The following ALPK2 variants were observed in gnomAD, a reference collection of about 807,000 sequenced individuals.
ALPK2 encodes alpha kinase 2, also known as alpha-protein kinase 2.
Under a neutral mutation model 163.1 loss-of-function variants are expected in ALPK2, and 127 were observed. That is an observed-to-expected ratio of 0.78 (90% CI 0.67 to 0.90). The LOEUF (loss-of-function observed/expected upper bound fraction) is 0.90. ALPK2 is among the 40% of genes least tolerant of loss of function. The pLI is 0.00. For synonymous variants in ALPK2, 953 were observed against 959.1 expected (o/e 0.99, Z 0.12); for missense variants, 2,360 against 2,589.6 (o/e 0.91, Z 1.92).
At chr18:58,595,599 C>G (rs557789917) in intron 3 of ALPK2, among the ~76,000 whole-genome samples, 5 of 152,292 alleles carry the variant, frequency 3.3e-5, no homozygotes, top group African/African-American at 1.2e-4. Context: ...CCTGTGATCT[C>G]TCTGGGCCTT....
At chr18:58,505,120 T>C (rs751823635) in intron 10 of ALPK2, among the ~76,000 whole-genome samples, 12 of 151,880 alleles carry the variant, frequency 7.9e-5, no homozygotes, top group Non-Finnish European at 1.5e-4. Context: ...AGGAGGAGAT[T>C]TCTGCATGAC....
chr18:58,495,340 T>C (rs1199059876), intron 12 of ALPK2, among the ~76,000 whole-genome samples: 2 of 152,124 alleles, frequency 1.3e-5, no homozygotes, highest in Non-Finnish European at 2.9e-5. Flanking sequence ...CAGAATCTCC[T>C]CCTCTCCCAG....
intron 3 of ALPK2, among the ~76,000 whole-genome samples, chr18:58,590,471 G>C (rs2052009495): frequency 6.6e-6 from 1 of 152,312 alleles, no homozygotes; most frequent in East Asian, 1.9e-4. Flanking sequence ...GCAGCAGGGA[G>C]GGGGAAGAGG....
Position 58,536,453 on chromosome 18 carries a change from G to T in ALPK2, c.3734C>A (p.Ala1245Asp). 3.1e-6 allele frequency: 5 copies of T among 1,614,134 alleles called. No homozygotes were observed. The highest frequency in any genetic ancestry group is 4.2e-6 in the Non-Finnish European group (5 of 1,180,028). ...TTGTCGTGGTGGCCAGATTTCAGAAGCGGAAGCCTCTAGAGTTATAATCTT... is the reference window on the plus strand; with the variant it reads ...TTGTCGTGGTGGCCAGATTTCAGAATCGGAAGCCTCTAGAGTTATAATCTT... ...KLKIITLEAS[A>D]SEIWPPRQLT... The change falls in exon 5 of 13, where the codon GCT (alanine) becomes GAT (aspartate). Residue 1245 changes from alanine (A) to aspartate (D), a missense_variant. Coordinates refer to ENST00000361673, the MANE Select transcript of ALPK2 (RefSeq NM_052947.4).
At chr18:58,516,790 A>G in intron 9 of ALPK2, 118 bp downstream of exon 9, 1 of 1,268,540 alleles carries the variant, frequency 7.9e-7, no homozygotes, top group Non-Finnish European at 1.1e-6. Context: ...TGAAACCCCA[A>G]AAGAGGAAAA....
intron 4 of ALPK2, among the ~76,000 whole-genome samples, chr18:58,558,293 C>T (rs1246140576): frequency 6.6e-6 from 1 of 152,050 alleles, no homozygotes; most frequent in African/African-American, 2.4e-5. Flanking sequence ...AGTTTGGAGA[C>T]TTAATACCAA....
rs551980561 is a variant in ALPK2, at chr18:58,517,520, G to A, written c.5666-338C>T. Among the ~76,000 whole-genome samples the A allele has an allele frequency of 8.5e-5, 13 of 152,312 alleles. No individual in the cohort carries two copies. The South Asian group carries it at 2.3e-3, about 27-fold the overall frequency. On this transcript the variant is annotated intron_variant, in intron 8 of 12. Coordinates refer to ENST00000361673, the MANE Select transcript of ALPK2 (RefSeq NM_052947.4). ...GTCAAGTTGAAAAGATGGGAAAAGT[G>A]TAGAGGAGGGAAGAAAGACCAATGA...
Position 58,580,311 on chromosome 18 carries a change from CG to C in ALPK2, c.464del (p.Pro155ArgfsTer93), listed in dbSNP as rs770675304. 32 of 1,613,936 alleles carry C rather than the reference CG, an allele frequency of 2.0e-5. No individual in the cohort carries two copies. Among genetic ancestry groups the C allele is most frequent in the South Asian group, 1.9e-4 (17 of 91,064 alleles). On this transcript the variant is annotated frameshift_variant, in exon 4 of 13. Coordinates refer to ENST00000361673, the MANE Select transcript of ALPK2 (RefSeq NM_052947.4). LOFTEE classifies it high-confidence loss of function. ...AGGAGTCAGCTGACCTGGGAGTGCC[CG>C]GGGAGATGCTTTCTTCTTCCTTATA... The part of the protein sequence containing the change: ...HPYKEEESIS[P>X]GTPRSADSSP...
chr18:58,560,161 CT>C, intron 4 of ALPK2, among the ~76,000 whole-genome samples: 1 of 152,308 alleles, frequency 6.6e-6, no homozygotes, highest in South Asian at 2.1e-4. Context: ...GGGGGCAGTT[CT>C]TTCCCGCACC....
At chr18:58,593,184 C>A (rs192149116) in intron 3 of ALPK2, among the ~76,000 whole-genome samples, 1 of 152,190 alleles carries the variant, frequency 6.6e-6, no homozygotes, top group East Asian at 1.9e-4. Flanking sequence ...TGTACCATGC[C>A]GGACAGAGGG....
rs34867925 is a variant in ALPK2 at position 58,573,346 on chromosome 18, G to A, written c.1962+5468C>T. Among the ~76,000 whole-genome samples, 240 of 135,658 alleles carry A rather than the reference G, an allele frequency of 1.8e-3. 5 individuals are homozygous for A. Among genetic ancestry groups the A allele is most frequent in the African/African-American group, 6.9e-3 (238 of 34,306 alleles). 89.0% of individuals were successfully genotyped at this position (135,658 alleles called of 152,430 possible). On this transcript the variant is annotated intron_variant, in intron 4 of 12. Coordinates refer to ENST00000361673, the MANE Select transcript of ALPK2 (RefSeq NM_052947.4). Reference sequence around the variant, plus strand: ...TATATGTATATATGTGTATATATATGTATATATATATGTGTGTGTATATAT... The same window carrying A: ...TATATGTATATATGTGTATATATATATATATATATATGTGTGTGTATATAT...
intron 12 of ALPK2, among the ~76,000 whole-genome samples, chr18:58,490,862 G>A (rs1019872880): frequency 6.6e-6 from 1 of 152,304 alleles, no homozygotes; most frequent in Middle Eastern, 3.4e-3. Context: ...CCAGGGGAGG[G>A]GGAGAAGCAC....
chr18:58,514,115 T>G (rs1032006877), intron 10 of ALPK2, among the ~76,000 whole-genome samples: 1 of 152,214 alleles, frequency 6.6e-6, no homozygotes, highest in Non-Finnish European at 1.5e-5. Flanking sequence ...CAGATGGCTG[T>G]CTGTGTAATT....
chr18:58,551,524 T>C (rs1243105828), intron 4 of ALPK2, among the ~76,000 whole-genome samples: 1 of 152,236 alleles, frequency 6.6e-6, no homozygotes, highest in Non-Finnish European at 1.5e-5. Flanking sequence ...GCAGTTTCCA[T>C]GTGCACAAAA....
At chr18:58,493,377 C>T (rs2051384445) in intron 12 of ALPK2, among the ~76,000 whole-genome samples, 1 of 152,120 alleles carries the variant, frequency 6.6e-6, no homozygotes. Context: ...AGCCTATTCT[C>T]GGGGCGTGTT....
chr18:58,495,537 G>A (rs1175819431), intron 12 of ALPK2, among the ~76,000 whole-genome samples: 4 of 152,124 alleles, frequency 2.6e-5, no homozygotes, highest in African/African-American at 7.2e-5. Context: ...AAATCAGGAG[G>A]GGAAAAAATG....
At chr18:58,556,485 AGCCGCT>A (rs2051792394) in intron 4 of ALPK2, among the ~76,000 whole-genome samples, 2 of 152,136 alleles carry the variant, frequency 1.3e-5, no homozygotes, top group South Asian at 4.1e-4. Flanking sequence ...GAAATGAGCC[AGCCGCT>A]GCAAAGTGCT....
Position 58,579,294 on chromosome 18 carries a change from T to A in ALPK2, c.1482A>T (p.Thr494=). 6.2e-7 allele frequency: 1 copy of A among 1,614,212 alleles called. No homozygotes were observed. The highest frequency in any genetic ancestry group is 1.1e-5 in the South Asian group (1 of 91,078). Residue 494 remains threonine, a synonymous_variant, in exon 4 of 13, where the codon ACA becomes ACT. Transcript: ENST00000361673. ...ACTCACCAGACAAGAGCTTCATCTC[T>A]GTCTCTCTTACTGATTCATCCATGT... The part of the protein sequence containing the change: ...LLNMDESVRE[T]EMKLLSGESE...
intron 4 of ALPK2, among the ~76,000 whole-genome samples, chr18:58,558,451 G>A (rs780078806): frequency 1.3e-5 from 2 of 152,148 alleles, no homozygotes; most frequent in Admixed American, 6.5e-5. Context: ...AGTAAAAGAC[G>A]TAAGTGTCTT....
Sources: gnomAD v4.1 joint callset for allele counts (sites outside exome capture counted in the v4.1 genomes callset) on GRCh38, gnomAD v4.1.1 for gene constraint, MANE v1.5 for transcripts, NCBI Gene and HGNC (gene_info 2026-07-23, HGNC 2026-07-21) for gene names.